NPAS3: variants seen among roughly 807,000 people sequenced by gnomAD.
The protein encoded by NPAS3 is neuronal PAS domain-containing protein 3.
A neutral mutation model predicts 73.1 loss-of-function variants in NPAS3; 14 were observed. That is an observed-to-expected ratio of 0.19 (90% confidence interval 0.13 to 0.30). The LOEUF is 0.30. Among genes scored for constraint, NPAS3 ranks in the 10% least tolerant of loss-of-function variants. The pLI is 1.00. For missense variants in NPAS3, 1,096 were observed against 1,250.0 expected, an observed-to-expected ratio of 0.88 and a Z score of 1.86; for synonymous variants, 620 against 541.5, an observed-to-expected ratio of 1.14 and a Z score of -2.01.
chr14:33,152,664 C>T (rs1411514378), intron 2 of NPAS3, among the ~76,000 whole-genome samples: 13 of 152,028 alleles, frequency 8.6e-5, no homozygotes, highest in Non-Finnish European at 1.9e-4. Context: ...AATTTGAGGC[C>T]GTTTTTCCAT....
intron 4 of NPAS3, among the ~76,000 whole-genome samples, chr14:33,371,954 G>A (rs537807565): frequency 1.4e-4 from 22 of 152,260 alleles, no homozygotes; most frequent in Admixed American, 1.2e-3. Flanking sequence ...TCACATGTCT[G>A]TTTAGGTAAC....
intron 2 of NPAS3, among the ~76,000 whole-genome samples, chr14:33,141,971 T>C (rs960712907): frequency 6.6e-5 from 10 of 152,200 alleles, no homozygotes; most frequent in African/African-American, 2.4e-4. Context: ...TAGTAAAAAT[T>C]AGTATTCCAT....
chr14:33,463,435 C>T (rs1444800958), intron 4 of NPAS3, among the ~76,000 whole-genome samples: 3 of 151,920 alleles, frequency 2.0e-5, no homozygotes, highest in Non-Finnish European at 4.4e-5. Flanking sequence ...ACAGGAAAAC[C>T]CCCATAGAAT....
At chr14:33,415,475 A>T (rs181375701) in intron 4 of NPAS3, among the ~76,000 whole-genome samples, 25 of 151,956 alleles carry the variant, frequency 1.6e-4, no homozygotes, top group Non-Finnish European at 2.8e-4. Flanking sequence ...GATTTTTCTG[A>T]TGTTGTTAAT....
intron 5 of NPAS3, among the ~76,000 whole-genome samples, chr14:33,593,379 C>T (rs1006550591): frequency 1.7e-4 from 26 of 152,194 alleles, no homozygotes; most frequent in Non-Finnish European, 3.2e-4. Flanking sequence ...AAGCACCCAT[C>T]ATAGTGCATG....
intron 6 of NPAS3, among the ~76,000 whole-genome samples, chr14:33,734,839 T>A (rs890784253): frequency 6.6e-6 from 1 of 152,122 alleles, no homozygotes; most frequent in Non-Finnish European, 1.5e-5. Context: ...CAGAAGCATC[T>A]CTGCCTGTAC....
At chr14:33,273,533 T>A (rs1042623745) in intron 3 of NPAS3, among the ~76,000 whole-genome samples, 3 of 152,200 alleles carry the variant, frequency 2.0e-5, no homozygotes, top group East Asian at 1.9e-4. Flanking sequence ...GTGATTTTTT[T>A]AAAGTAAACA....
chr14:33,554,126 C>G (rs550434820), intron 4 of NPAS3, among the ~76,000 whole-genome samples: 1 of 152,344 alleles, frequency 6.6e-6, no homozygotes, highest in South Asian at 2.1e-4. Flanking sequence ...GGCTCAAGGG[C>G]AGACCCACTT....
intron 4 of NPAS3, among the ~76,000 whole-genome samples, chr14:33,426,759 A>G (rs532394675): frequency 6.6e-6 from 1 of 152,220 alleles, no homozygotes; most frequent in African/African-American, 2.4e-5. Flanking sequence ...TAAGGAATGG[A>G]TCAAATGATT....
intron 3 of NPAS3, among the ~76,000 whole-genome samples, chr14:33,290,341 G>A (rs1023596665): frequency 2.6e-5 from 4 of 152,190 alleles, no homozygotes; most frequent in African/African-American, 9.7e-5. Flanking sequence ...ATCCCAAACA[G>A]GGGTTATTAC....
chr14:33,426,464 C>T (rs2048558737), intron 4 of NPAS3, among the ~76,000 whole-genome samples: 1 of 151,980 alleles, frequency 6.6e-6, no homozygotes, highest in African/African-American at 2.4e-5. Context: ...AACCTGAGTT[C>T]GGAGTGGACT....
exon 10 of NPAS3, chr14:33,794,042 T>C: frequency 6.2e-7 from 1 of 1,611,326 alleles, no homozygotes. Flanking sequence ...ATTACCTTCT[T>C]AGGTATATTT....
rs561305033 is a variant in NPAS3 at position 33,771,790 on chromosome 14, G to A, written c.853-2547G>A. On this transcript the variant is annotated intron_variant, in intron 7 of 11. Coordinates refer to ENST00000356141, the Ensembl canonical transcript of NPAS3. ...CACGCCACTAAACTCCAGCCTGGGC[G>A]ACAGAGCGAGACTCCATCTCAAAAA... Among the ~76,000 whole-genome samples, 605 of 151,642 alleles carry A rather than the reference G, an allele frequency of 4.0e-3. 4 individuals are homozygous for A. Among genetic ancestry groups the A allele is most frequent in the Middle Eastern group, 6.8e-3 (2 of 294 alleles).
At chr14:33,012,502 T>C (rs2039240694) in intron 1 of NPAS3, among the ~76,000 whole-genome samples, 1 of 152,102 alleles carries the variant, frequency 6.6e-6, no homozygotes, top group South Asian at 2.1e-4. Flanking sequence ...AATCTTCAAA[T>C]TAAATGGTGT....
chr14:33,101,367 C>T (rs962024345), intron 2 of NPAS3, among the ~76,000 whole-genome samples: 9 of 151,994 alleles, frequency 5.9e-5, no homozygotes, highest in Middle Eastern at 3.2e-3. Context: ...AAAAAGAGTG[C>T]AGGTGTATTG....
chr14:33,645,458 A>C (rs1254896736), intron 5 of NPAS3, among the ~76,000 whole-genome samples: 2 of 152,254 alleles, frequency 1.3e-5, no homozygotes, highest in Admixed American at 1.3e-4. Context: ...ATTTTAGAGC[A>C]TAATAAGAAT....
At chr14:33,423,499 A>G (rs928096761) in intron 4 of NPAS3, among the ~76,000 whole-genome samples, 10 of 151,994 alleles carry the variant, frequency 6.6e-5, no homozygotes, top group African/African-American at 2.2e-4. Context: ...GATACATGTC[A>G]GAGTAGGTAA....
At chr14:33,358,824 C>A (rs1336159981) in intron 3 of NPAS3, among the ~76,000 whole-genome samples, 1 of 152,184 alleles carries the variant, frequency 6.6e-6, no homozygotes, top group African/African-American at 2.4e-5. Context: ...AAATAGGAGC[C>A]TGGCTTATAT....
intron 6 of NPAS3, among the ~76,000 whole-genome samples, chr14:33,692,117 C>T (rs1595450049): frequency 6.6e-6 from 1 of 152,278 alleles, no homozygotes; most frequent in Middle Eastern, 3.4e-3. Context: ...ACAATACCTG[C>T]AGAATGATGA....
Sources: allele counts gnomAD v4.1 joint callset (sites outside exome capture counted in the v4.1 genomes callset), GRCh38; gene constraint gnomAD v4.1.1; transcripts MANE v1.5; gene names NCBI Gene and HGNC (gene_info 2026-07-23, HGNC 2026-07-21).